The following UVRAG variants were observed in gnomAD, a reference collection of about 807,000 sequenced individuals.
The protein encoded by UVRAG is UV radiation resistance associated.
In UVRAG, 19 loss-of-function variants were observed where a neutral mutation model predicts 78.0. The observed-to-expected ratio is 0.24, with a 90% CI of 0.17 to 0.36. The LOEUF is 0.36. UVRAG is among the 10% of genes least tolerant of loss of function. UVRAG has a pLI of 1.00. For synonymous variants in UVRAG, 323 were observed against 324.6 expected (o/e 1.00, Z 0.05); for missense variants, 740 against 853.8 (o/e 0.87, Z 1.66).
chr11:75,836,460 G>A (rs1219586228), intron 1 of UVRAG, among the ~76,000 whole-genome samples: 2 of 152,074 alleles, frequency 1.3e-5, no homozygotes, highest in South Asian at 2.1e-4. Flanking sequence ...CCATGTATTC[G>A]CTTCCCAGAC....
chr11:76,093,562 G>A lies in UVRAG; in HGVS notation c.1306-22362G>A, dbSNP rs113134692. On this transcript the variant is annotated intron_variant, in intron 13 of 14. Coordinates refer to ENST00000356136, the MANE Select transcript of UVRAG (RefSeq NM_003369.4). ...GCAATGGTTTGTAGTTCTCCTTGAA[G>A]AGGTCCTTCACCTCCCTTGTAAGTT... 1.7e-3 allele frequency among the ~76,000 whole-genome samples: 264 copies of A among 152,246 alleles called. 1 individual carries two copies. The highest frequency in any genetic ancestry group is 6.1e-3 in the African/African-American group (253 of 41,556).
intron 8 of UVRAG, among the ~76,000 whole-genome samples, chr11:76,000,768 A>G (rs1225108604): frequency 1.3e-5 from 2 of 152,246 alleles, no homozygotes; most frequent in East Asian, 1.9e-4. Context: ...ACTACCTGGA[A>G]TAAAGAGGGA....
intron 6 of UVRAG, among the ~76,000 whole-genome samples, chr11:75,956,155 A>T (rs1338995423): frequency 1.3e-5 from 2 of 152,158 alleles, no homozygotes; most frequent in African/African-American, 2.4e-5. Context: ...TCATTATATG[A>T]ATATACCTCA....
chr11:75,918,535 T>G (rs1947909620), intron 6 of UVRAG, among the ~76,000 whole-genome samples: 1 of 152,128 alleles, frequency 6.6e-6, no homozygotes, highest in South Asian at 2.1e-4. Flanking sequence ...TATTTCAAAG[T>G]CCTCCCACTC....
At chr11:75,846,184 T>C (rs1327568787) in intron 1 of UVRAG, among the ~76,000 whole-genome samples, 1 of 152,324 alleles carries the variant, frequency 6.6e-6, no homozygotes, top group East Asian at 1.9e-4. Flanking sequence ...CACTAGACCT[T>C]ATACTCGAGA....
intron 13 of UVRAG, among the ~76,000 whole-genome samples, chr11:76,104,880 A>C (rs1951943429): frequency 6.6e-6 from 1 of 152,238 alleles, no homozygotes; most frequent in Non-Finnish European, 1.5e-5. Context: ...ACTGATATGT[A>C]GATTTATTTG....
At chr11:76,114,736 G>C (rs1036845783) in intron 13 of UVRAG, among the ~76,000 whole-genome samples, 1 of 152,102 alleles carries the variant, frequency 6.6e-6, no homozygotes, top group Non-Finnish European at 1.5e-5. Context: ...TTGAATTCTA[G>C]AGTCAAACAA....
At chr11:76,037,341 AG>A (rs1243012204) in intron 12 of UVRAG, among the ~76,000 whole-genome samples, 1 of 152,160 alleles carries the variant, frequency 6.6e-6, no homozygotes, top group East Asian at 1.9e-4. Flanking sequence ...TCATTTCAAT[AG>A]ATACAAAAAA....
intron 13 of UVRAG, among the ~76,000 whole-genome samples, chr11:76,085,274 CTTTG>C (rs1055115478): frequency 4.6e-5 from 7 of 152,074 alleles, no homozygotes; most frequent in Admixed American, 6.6e-5. Context: ...ATGTGGTCCC[CTTTG>C]TTTGGCTCTG....
chr11:75,874,771 G>A (rs972938553), intron 3 of UVRAG, among the ~76,000 whole-genome samples: 2 of 152,180 alleles, frequency 1.3e-5, no homozygotes, highest in East Asian at 1.9e-4. Context: ...TAAAAACCCT[G>A]TGAGGTGATA....
intron 6 of UVRAG, among the ~76,000 whole-genome samples, chr11:75,937,158 A>G (rs996444065): frequency 1.2e-4 from 18 of 152,330 alleles, no homozygotes; most frequent in Admixed American, 1.2e-3. Flanking sequence ...TCCTGAGGTC[A>G]GGAGTTTGAG....
intron 5 of UVRAG, chr11:75,911,150 T>C (rs1036818860): frequency 4.5e-5 from 7 of 154,698 alleles, no homozygotes; most frequent in African/African-American, 1.7e-4. Context: ...AATCCAGTGT[T>C]CATGCATTCC....
At chr11:76,083,115 A>G (rs1951529204) in intron 13 of UVRAG, among the ~76,000 whole-genome samples, 1 of 152,228 alleles carries the variant, frequency 6.6e-6, no homozygotes, top group Non-Finnish European at 1.5e-5. Flanking sequence ...TTAAACTAAA[A>G]CAAAAAAGAA....
chr11:75,846,753 T>C (rs1001193462), intron 1 of UVRAG, among the ~76,000 whole-genome samples: 1 of 152,232 alleles, frequency 6.6e-6, no homozygotes, highest in Non-Finnish European at 1.5e-5. Context: ...TCTGTTTGTC[T>C]CTTCTTTTGC....
intron 14 of UVRAG, among the ~76,000 whole-genome samples, chr11:76,127,232 A>G (rs1381305951): frequency 6.6e-6 from 1 of 152,206 alleles, no homozygotes; most frequent in East Asian, 1.9e-4. Context: ...AGATGTGTTG[A>G]AAATGCAAGT....
At chr11:76,066,807 T>C (rs1416323140) in intron 13 of UVRAG, among the ~76,000 whole-genome samples, 1 of 152,214 alleles carries the variant, frequency 6.6e-6, no homozygotes, top group Non-Finnish European at 1.5e-5. Context: ...TGTTTTGTTT[T>C]GTTTTCATTG....
At chr11:76,038,614 TAG>T (rs1378274210) in intron 12 of UVRAG, among the ~76,000 whole-genome samples, 5 of 152,216 alleles carry the variant, frequency 3.3e-5, no homozygotes. Context: ...ATGAATGTAA[TAG>T]AATTTTCCTC....
chr11:75,970,930 A>C (rs1949110588), intron 7 of UVRAG, among the ~76,000 whole-genome samples: 1 of 152,132 alleles, frequency 6.6e-6, no homozygotes, highest in Non-Finnish European at 1.5e-5. Context: ...CAGTTCTATG[A>C]GTTTTGACAA....
chr11:75,954,488 G>C (rs976195779), intron 6 of UVRAG, among the ~76,000 whole-genome samples: 3 of 152,080 alleles, frequency 2.0e-5, no homozygotes, highest in African/African-American at 7.2e-5. Context: ...AAAAATTGCT[G>C]TTTCCTCACT....
Sources: gnomAD v4.1 joint callset for allele counts (sites outside exome capture counted in the v4.1 genomes callset) on GRCh38, gnomAD v4.1.1 for gene constraint, MANE v1.5 for transcripts, NCBI Gene and HGNC (gene_info 2026-07-23, HGNC 2026-07-21) for gene names.